Variants in RGS3 observed in about 807,000 individuals in gnomAD.
RGS3 encodes regulator of G-protein signalling 3.
A neutral mutation model predicts 132.6 loss-of-function variants in RGS3; 80 were observed. That is an observed-to-expected ratio of 0.60 (90% confidence interval 0.50 to 0.73). The LOEUF (loss-of-function observed/expected upper bound fraction) is 0.73, where lower values mean the gene tolerates loss of function less well. Among genes scored for constraint, RGS3 ranks in the 30% least tolerant of loss-of-function variants. The probability of loss-of-function intolerance (pLI) is 0.00; values close to 1 mark genes in which losing one functional copy is unlikely to be tolerated. For missense variants in RGS3, 1,382 were observed against 1,530.8 expected, an observed-to-expected ratio of 0.90 and a Z score of 1.62; for synonymous variants, 598 against 620.6, an observed-to-expected ratio of 0.96 and a Z score of 0.54.
At chr9:113,445,962 AC>A (rs1437453088) in intron 1 of RGS3, among the ~76,000 whole-genome samples, 1 of 152,124 alleles carries the variant, frequency 6.6e-6, no homozygotes, top group East Asian at 1.9e-4. Context: ...TACAGGCGTG[AC>A]CCACCGTGCC....
At chr9:113,523,150 G>C in intron 17 of RGS3, 109 bp downstream of exon 15, 1 of 723,426 alleles carries the variant, frequency 1.4e-6, no homozygotes, top group East Asian at 2.6e-5. Context: ...GCACTGGAGT[G>C]TGTGCTGCTG....
intron 7 of RGS3, 94 bp from the exon 6 acceptor site, chr9:113,495,692 A>C: frequency 1.0e-6 from 1 of 971,406 alleles, no homozygotes; most frequent in South Asian, 1.3e-5. Context: ...TGTAAACCAC[A>C]GTGCATCAGG....
At chr9:113,483,518 C>G (rs571513800) in intron 5 of RGS3, among the ~76,000 whole-genome samples, 14 of 152,268 alleles carry the variant, frequency 9.2e-5, no homozygotes, top group African/African-American at 3.4e-4. Context: ...GCTGGAAGAT[C>G]CTTCTGGGTT....
intron 19 of RGS3, among the ~76,000 whole-genome samples, chr9:113,557,175 A>G (rs1238948339): frequency 6.6e-6 from 1 of 152,204 alleles, no homozygotes; most frequent in Non-Finnish European, 1.5e-5. Flanking sequence ...AGTAAATGGA[A>G]TTTACTGGGT....
chr9:113,520,396 A>G (rs1831887212), intron 16 of RGS3, among the ~76,000 whole-genome samples: 1 of 152,016 alleles, frequency 6.6e-6, no homozygotes, highest in Non-Finnish European at 1.5e-5. Context: ...TGCCTTAATC[A>G]CTTCCTGTCT....
chr9:113,595,803 C>T, intron 24 of RGS3, 38 bp downstream of exon 22: 1 of 1,599,404 alleles, frequency 6.3e-7, no homozygotes, highest in South Asian at 1.1e-5. Context: ...CCTCCAATCC[C>T]CAGGGCCCAG....
chr9:113,496,157 C>T (rs999218432), intron 8 of RGS3, among the ~76,000 whole-genome samples: 1 of 152,218 alleles, frequency 6.6e-6, no homozygotes, highest in Admixed American at 6.5e-5. Context: ...CAGAGCACTC[C>T]TGGGCCTGCC....
intron 7 of RGS3, among the ~76,000 whole-genome samples, chr9:113,490,972 T>A (rs1330075120): frequency 7.5e-6 from 1 of 132,554 alleles, no homozygotes; most frequent in Non-Finnish European, 1.5e-5. Context: ...TAATTATATA[T>A]AACTTAATTA....
Position 113,449,094 on chromosome 9 carries a change from G to A in RGS3, c.-13+4167G>A, listed in dbSNP as rs1378509817. On this transcript the variant is annotated intron_variant, in intron 1 of 25. Transcript: ENST00000374140. ...GAAGACATTGATGGCTTCTGAATCA[G>A]GGAGTGATAGCACTAAATCAATGCC... Among the ~76,000 whole-genome samples the A allele has an allele frequency of 1.3e-5, 2 of 152,200 alleles. 1 individual carries two copies. Among genetic ancestry groups the A allele is most frequent in the Admixed American group, 1.3e-4 (2 of 15,272 alleles).
At chr9:113,482,989 GTC>G in intron 4 of RGS3, 68 bp from the exon 3 acceptor site, 1 of 1,610,862 alleles carries the variant, frequency 6.2e-7, no homozygotes, top group Non-Finnish European at 8.5e-7. Flanking sequence ...GTCTATGTGT[GTC>G]TCTCTTTCTC....
chr9:113,541,577 A>G (rs1832904615), intron 19 of RGS3: 7 of 1,388,436 alleles, frequency 5.0e-6, no homozygotes, highest in African/African-American at 1.5e-5. Context: ...CCAAGGGTGC[A>G]TGTGGATGTC....
chr9:113,529,165 C>T, intron 17 of RGS3, 56 bp from the exon 16 acceptor site: 1 of 1,392,286 alleles, frequency 7.2e-7, no homozygotes, highest in Non-Finnish European at 1.0e-6. Context: ...CTGGAGCAAA[C>T]TGCTGAGGCT....
At chr9:113,583,527 A>G in exon 20 of RGS3, 1 of 1,614,144 alleles carries the variant, frequency 6.2e-7, no homozygotes, top group Non-Finnish European at 8.5e-7. Flanking sequence ...AGGATTCCCC[A>G]CCCAGCAAGG....
chr9:113,547,111 C>T (rs757327359), intron 19 of RGS3, among the ~76,000 whole-genome samples: 3 of 152,148 alleles, frequency 2.0e-5, no homozygotes, highest in Non-Finnish European at 4.4e-5. Context: ...TTCTTCATCA[C>T]AGTCACTGTC....
intron 5 of RGS3, among the ~76,000 whole-genome samples, chr9:113,483,520 T>A (rs1302926726): frequency 2.6e-5 from 4 of 152,178 alleles, no homozygotes; most frequent in Admixed American, 1.3e-4. Flanking sequence ...TGGAAGATCC[T>A]TCTGGGTTGG....
In RGS3 at chr9:113,523,044, AAG is replaced by A. The variant is rs1308907146; in HGVS notation, c.1870+4_1870+5del. The A allele has an allele frequency of 1.3e-6, 2 of 1,593,972 alleles. No individual in the cohort carries two copies. Among genetic ancestry groups the A allele is most frequent in the Admixed American group, 3.3e-5 (2 of 60,004 alleles). On this transcript the variant is annotated splice_donor_5th_base_variant and intron_variant, in intron 17 of 24. Transcript: ENST00000350696. ...CCAGAGTGTGAAGCTGCAGGAAGGT[AAG>A]CAGATGCCGTAGGTGCCCAGAGCCC...
chr9:113,577,162 T>G (rs1204596909), intron 19 of RGS3, among the ~76,000 whole-genome samples: 1 of 152,050 alleles, frequency 6.6e-6, no homozygotes, highest in South Asian at 2.1e-4. Flanking sequence ...TCTCGTATTT[T>G]TAGTAGAGAC....
intron 10 of RGS3, among the ~76,000 whole-genome samples, chr9:113,502,466 C>G (rs958276941): frequency 1.3e-5 from 2 of 152,226 alleles, no homozygotes; most frequent in South Asian, 2.1e-4. Context: ...CCCTGCCCCC[C>G]CACCTGCCTG....
intron 6 of RGS3, 95 bp downstream of exon 4, chr9:113,484,327 C>CA (rs775299940): frequency 0.1 from 8,599 of 82,360 alleles, 300 homozygotes; most frequent in African/African-American, 0.17. Context: ...TAGATCTATG[C>CA]AAAAAAAAAA....
Sources: allele counts gnomAD v4.1 joint callset (sites outside exome capture counted in the v4.1 genomes callset), GRCh38; gene constraint gnomAD v4.1.1; transcripts MANE v1.5; gene names NCBI Gene and HGNC (gene_info 2026-07-23, HGNC 2026-07-21).